The following CPT1A variants were observed in gnomAD, a reference collection of about 807,000 sequenced individuals.
The protein encoded by CPT1A is carnitine palmitoyltransferase 1A, also known as carnitine O-palmitoyltransferase 1, liver isoform.
CPT1A carries 64 observed loss-of-function variants against 100.8 expected under a neutral mutation model. The ratio of observed to expected loss-of-function variants is 0.63; its 90% confidence interval spans 0.52 to 0.78. The LOEUF (loss-of-function observed/expected upper bound fraction) is 0.78, where lower values mean the gene tolerates loss of function less well. CPT1A is among the 30% of genes least tolerant of loss of function. The pLI is 0.00. For synonymous variants in CPT1A, 363 were observed against 396.0 expected (o/e 0.92, Z 0.99); for missense variants, 802 against 1,034.1 (o/e 0.78, Z 3.08).
At chr11:68,824,552 GTA>G in intron 1 of CPT1A, among the ~76,000 whole-genome samples, 1 of 152,098 alleles carries the variant, frequency 6.6e-6, no homozygotes. Context: ...TATCTTTTAG[GTA>G]TTACAAGATA....
intron 9 of CPT1A, 32 bp downstream of exon 9, chr11:68,793,270 GGAAAGTGCCGATT>G: frequency 6.9e-7 from 1 of 1,444,248 alleles, no homozygotes; most frequent in Non-Finnish European, 9.6e-7. Flanking sequence ...GCATAGGGAT[GGAAAGTGCCGATT>G]CTCCAGGGGG....
At chr11:68,837,325 G>A (rs1857033802) in intron 1 of CPT1A, among the ~76,000 whole-genome samples, 1 of 152,218 alleles carries the variant, frequency 6.6e-6, no homozygotes, top group Non-Finnish European at 1.5e-5. Flanking sequence ...TGGGATTACA[G>A]GCGTGAGCCA....
chr11:68,773,434 A>G lies in CPT1A; in HGVS notation c.1576-5T>C. 6.2e-7 allele frequency: 1 copy of G among 1,614,036 alleles called. No homozygotes were observed. ...GGTCTCTATAACCTCTTGACACTTG[A>G]GAGAAAGAAGAAAAAGGTTTTACGG... On this transcript the variant is annotated splice_polypyrimidine_tract_variant and splice_region_variant and intron_variant, in intron 13 of 18. Transcript: ENST00000265641.
chr11:68,770,951 C>G (rs534938563), intron 14 of CPT1A, among the ~76,000 whole-genome samples: 1 of 152,216 alleles, frequency 6.6e-6, no homozygotes, highest in Non-Finnish European at 1.5e-5. Context: ...GCTTCACCTC[C>G]GAGTGTGGAG....
chr11:68,785,675 G>T, intron 9 of CPT1A: 3 of 185,994 alleles, frequency 1.6e-5, no homozygotes, highest in Non-Finnish European at 3.2e-5. Flanking sequence ...GAGGTCATAT[G>T]TTCCCCATAT....
intron 9 of CPT1A, among the ~76,000 whole-genome samples, chr11:68,789,617 G>A (rs1855560979): frequency 6.6e-6 from 1 of 152,120 alleles, no homozygotes; most frequent in Non-Finnish European, 1.5e-5. Context: ...GGCCAGGATG[G>A]TCTCGAACTC....
At chr11:68,820,639 AC>A (rs1313441204) in intron 1 of CPT1A, among the ~76,000 whole-genome samples, 4 of 152,102 alleles carry the variant, frequency 2.6e-5, no homozygotes, top group Non-Finnish European at 5.9e-5. Context: ...CTGAGATTGC[AC>A]CACTGCACTT....
chr11:68,765,215 A>T lies in CPT1A; in HGVS notation c.1741-2454T>A, dbSNP rs76424734. Reference sequence around the variant, plus strand: ...GGCATTTTAGTTATTTAATAAAGGTAAACTTGAACTATATGATGCAATGAT... The same window carrying T: ...GGCATTTTAGTTATTTAATAAAGGTTAACTTGAACTATATGATGCAATGAT... On this transcript the variant is annotated intron_variant, in intron 14 of 18. Transcript: ENST00000265641. Among the ~76,000 whole-genome samples the T allele has an allele frequency of 5.2e-5, 8 of 152,400 alleles. No homozygotes were observed. In the East Asian group the frequency reaches 1.5e-3, roughly 29 times the overall value.
intron 15 of CPT1A, among the ~76,000 whole-genome samples, chr11:68,761,911 T>C (rs1854633651): frequency 1.4e-5 from 2 of 147,422 alleles, no homozygotes; most frequent in Non-Finnish European, 3.0e-5. Context: ...GCGCCCGGTC[T>C]GACAGCCTTT....
chr11:68,819,347 C>A (rs768036990), intron 1 of CPT1A, among the ~76,000 whole-genome samples: 1 of 152,000 alleles, frequency 6.6e-6, no homozygotes, highest in African/African-American at 2.4e-5. Flanking sequence ...CCCAAAGTGC[C>A]GGGATTACTG....
chr11:68,802,896 C>CAAAAAAAAAAA (rs901808584), intron 5 of CPT1A, among the ~76,000 whole-genome samples: 2 of 44,970 alleles, frequency 4.4e-5, no homozygotes, highest in African/African-American at 6.1e-5. Context: ...GACCCTGTCT[C>CAAAAAAAAAAA]AAAAAAAAAA....
At chr11:68,775,555 G>A in intron 12 of CPT1A, 123 bp from the exon 13 acceptor site, 2 of 759,002 alleles carry the variant, frequency 2.6e-6, no homozygotes, top group Non-Finnish European at 2.3e-6. Context: ...AGCTGTTAAG[G>A]CTTCCAGTAT....
chr11:68,807,427 AC>A (rs1280380393), intron 4 of CPT1A, 39 bp downstream of exon 4: 1 of 1,600,594 alleles, frequency 6.2e-7, no homozygotes, highest in Non-Finnish European at 8.5e-7. Flanking sequence ...CAAAGCCCAA[AC>A]TGTCCACCCC....
intron 5 of CPT1A, among the ~76,000 whole-genome samples, chr11:68,802,359 C>A (rs533352533): frequency 2.0e-5 from 3 of 151,102 alleles, no homozygotes; most frequent in African/African-American, 7.3e-5. Flanking sequence ...AAAAAAAGAC[C>A]GAAGCAGGTA....
Position 68,796,938 on chromosome 11 carries a change from T to C in CPT1A, c.694-5A>G, listed in dbSNP as rs533087846. ...CTCCTCCCACCAGTCGCTCACCTAG[T>C]GGGCGCAAACACCAGACAAACCCGC... On this transcript the variant is annotated splice_polypyrimidine_tract_variant and splice_region_variant and intron_variant, in intron 6 of 18. Coordinates refer to ENST00000265641, the MANE Select transcript of CPT1A (RefSeq NM_001876.4). The C allele has an allele frequency of 8.1e-6, 13 of 1,613,706 alleles. No individual in the cohort carries two copies. In the Middle Eastern group the frequency reaches 1.2e-3, roughly 143 times the overall value.
rs1054835062 is a variant in CPT1A, at chr11:68,782,206, A to G, written c.1164-247T>C. 1.5e-4 allele frequency among the ~76,000 whole-genome samples: 23 copies of G among 152,290 alleles called. 1 individual carries two copies. The highest frequency in any genetic ancestry group is 1.3e-3 in the Admixed American group (20 of 15,292). ...AAATGCTGACTAAATGAACGGCCAG[A>G]TTGCAGGCTGGCCCCGTGGGCAAAG... is the stretch of plus-strand genomic sequence containing the variant. On this transcript the variant is annotated intron_variant, in intron 10 of 18. Coordinates refer to ENST00000265641, the MANE Select transcript of CPT1A (RefSeq NM_001876.4).
chr11:68,757,505 A>C lies in CPT1A; in HGVS notation c.*139T>G, dbSNP rs1200105089. 3.9e-6 allele frequency: 6 copies of C among 1,528,540 alleles called. No homozygotes were observed. The African/African-American group carries it at 4.2e-5, about 11-fold the overall frequency. 94.7% of individuals were successfully genotyped at this position (1,528,540 alleles called of 1,614,324 possible). ...AGAGATACTGTTCTAGGAAAAAAAAACACCCACATTTTCTGGAAGGAAAAC... is the reference window on the plus strand; with the variant it reads ...AGAGATACTGTTCTAGGAAAAAAAACCACCCACATTTTCTGGAAGGAAAAC... On this transcript the variant is annotated 3_prime_UTR_variant, in exon 19 of 19. Transcript: ENST00000265641.
At chr11:68,785,742 A>G (rs1440107927) in intron 9 of CPT1A, 2 of 442,094 alleles carry the variant, frequency 4.5e-6, no homozygotes, top group African/African-American at 4.0e-5. Flanking sequence ...TAGGCATTCG[A>G]TCCGTATAGT....
Position 68,815,545 on chromosome 11 carries a change from C to T in CPT1A, c.-13-58G>A, listed in dbSNP as rs1035844279. The T allele has an allele frequency of 4.9e-4, 755 of 1,546,992 alleles. 1 individual carries two copies. Among genetic ancestry groups the T allele is most frequent in the Non-Finnish European group, 6.3e-4 (713 of 1,123,862 alleles). On this transcript the variant is annotated intron_variant, in intron 1 of 18. Transcript: ENST00000265641. ...GAACGTGTGACCAGACACTAAAAAA[C>T]CCTCATACAGAAGTGCCATTCCTTC...
Sources: allele counts gnomAD v4.1 joint callset (sites outside exome capture counted in the v4.1 genomes callset), GRCh38; gene constraint gnomAD v4.1.1; transcripts MANE v1.5; gene names NCBI Gene and HGNC (gene_info 2026-07-23, HGNC 2026-07-21).